Variants in GBF1 observed in about 807,000 individuals in gnomAD.
GBF1 encodes the protein Golgi-specific brefeldin A-resistance guanine nucleotide exchange factor 1.
Under a neutral mutation model 210.5 loss-of-function variants are expected in GBF1, and 114 were observed. That is an observed-to-expected ratio of 0.54 (90% confidence interval 0.47 to 0.63). The LOEUF is 0.63. GBF1 is among the 30% of genes least tolerant of loss of function. The pLI is 0.00. For missense variants in GBF1, 1,851 were observed against 2,357.7 expected, an observed-to-expected ratio of 0.79 and a Z score of 4.45; for synonymous variants, 850 against 889.2, an observed-to-expected ratio of 0.96 and a Z score of 0.78.
intron 3 of GBF1, among the ~76,000 whole-genome samples, chr10:102,336,452 T>G (rs1223510056): frequency 6.6e-6 from 1 of 152,216 alleles, no homozygotes; most frequent in African/African-American, 2.4e-5. Flanking sequence ...ACCAAGTGTT[T>G]TACATGCATC....
At chr10:102,262,637 A>G (rs1346382914) in intron 3 of GBF1, among the ~76,000 whole-genome samples, 1 of 152,144 alleles carries the variant, frequency 6.6e-6, no homozygotes, top group Non-Finnish European at 1.5e-5. Flanking sequence ...TGGTGCTGCT[A>G]TCCTGACAGA....
At chr10:102,355,735 G>T (rs2059255093) in intron 8 of GBF1, among the ~76,000 whole-genome samples, 1 of 152,230 alleles carries the variant, frequency 6.6e-6, no homozygotes, top group Non-Finnish European at 1.5e-5. Flanking sequence ...TGAAATGGGG[G>T]AGCCTCCTGG....
intron 1 of GBF1, among the ~76,000 whole-genome samples, chr10:102,255,694 T>G (rs2072248350): frequency 6.6e-6 from 1 of 152,206 alleles, no homozygotes; most frequent in Non-Finnish European, 1.5e-5. Context: ...AGATTTAATC[T>G]TTTCTCTTCT....
At chr10:102,320,183 T>C (rs926843821) in intron 3 of GBF1, among the ~76,000 whole-genome samples, 1 of 152,170 alleles carries the variant, frequency 6.6e-6, no homozygotes, top group Non-Finnish European at 1.5e-5. Context: ...TAATTGAAGG[T>C]TTTACCGGAT....
At chr10:102,302,986 C>CTTTTTT in intron 3 of GBF1, among the ~76,000 whole-genome samples, 1 of 125,056 alleles carries the variant, frequency 8.0e-6, no homozygotes, top group Non-Finnish European at 1.7e-5. Context: ...CCATTTTAAG[C>CTTTTTT]TTTTTTTTTT....
intron 24 of GBF1, 93 bp from the exon 25 acceptor site, chr10:102,369,618 C>T: frequency 4.2e-6 from 5 of 1,184,954 alleles, no homozygotes; most frequent in South Asian, 1.3e-5. Context: ...GGGCAGAAGA[C>T]TAGAGGAGGA....
intron 3 of GBF1, among the ~76,000 whole-genome samples, chr10:102,274,575 T>C (rs1280158214): frequency 1.3e-5 from 2 of 152,002 alleles, no homozygotes; most frequent in East Asian, 1.9e-4. Context: ...AGTTGAACCA[T>C]AGGATAAGTT....
In GBF1 at chr10:102,382,128, G is replaced by A; in HGVS notation, c.5375G>A (p.Ser1792Asn). 1 of 1,608,502 alleles carries A rather than the reference G, an allele frequency of 6.2e-7. No homozygotes were observed. Among genetic ancestry groups the A allele is most frequent in the Non-Finnish European group, 8.5e-7 (1 of 1,176,646 alleles). ...SPGSPVASSP[S>N]RLSPTPDGPP... Reference sequence around the variant, plus strand: ...GGATCACCAGTGGCCTCAAGCCCCAGCAGGCTGAGCCCCACCCCCGACGGG... The same window carrying A: ...GGATCACCAGTGGCCTCAAGCCCCAACAGGCTGAGCCCCACCCCCGACGGG... Residue 1792 changes from serine to asparagine, a missense_variant, in exon 40 of 40, where the codon AGC becomes AAC. By Grantham distance (46) the Ser-to-Asn change is conservative. Coordinates refer to ENST00000369983, the MANE Select transcript of GBF1 (RefSeq NM_001377137.1).
In GBF1 at chr10:102,368,313, G is replaced by T; in HGVS notation, c.2738G>T (p.Gly913Val). The change falls in exon 22 of 40, where the codon GGC becomes GTC. Residue 913 changes from glycine to valine, a missense_variant. Gly to Val is a moderately radical substitution (Grantham distance 109). This residue lies in a region of GBF1 where 967 missense variants were observed against 1,247.7 expected (regional missense o/e 0.78). Coordinates refer to ENST00000369983, the MANE Select transcript of GBF1 (RefSeq NM_001377137.1). ...CTTCATCGAGGTGCCACCCCTGAGG[G>T]CATATTCCTGCGTGTGCCTACTGCC... is the stretch of plus-strand genomic sequence containing the variant. Reference protein sequence around the residue: ...VLLHRGATPEGIFLRVPTASY... With the variant: ...VLLHRGATPEVIFLRVPTASY... 7.4e-6 allele frequency: 12 copies of T among 1,613,828 alleles called. No individual in the cohort carries two copies. Among genetic ancestry groups the T allele is most frequent in the Non-Finnish European group, 1.0e-5 (12 of 1,179,724 alleles).
In GBF1 at chr10:102,379,431, C is replaced by A; in HGVS notation, c.4642C>A (p.Gln1548Lys). 1 of 1,614,070 alleles carries A rather than the reference C, an allele frequency of 6.2e-7. No individual in the cohort carries two copies. Among genetic ancestry groups the A allele is most frequent in the South Asian group, 1.1e-5 (1 of 91,072 alleles). Residue 1548 changes from glutamine to lysine, a missense_variant, in exon 34 of 40, where the codon CAG becomes AAG. This residue lies in a region of GBF1 where 967 missense variants were observed against 1,247.7 expected (regional missense o/e 0.78). Transcript: ENST00000369983. ...GGCCCACTGCTGGTGCCCTTTACTG[C>A]AGGGTAAACCAGGAGGGGCAGAGGT... ...LWAHCWCPLL[Q>K]GIACLCCDAR...
chr10:102,273,868 T>C (rs2074666109), intron 3 of GBF1, among the ~76,000 whole-genome samples: 1 of 152,258 alleles, frequency 6.6e-6, no homozygotes, highest in African/African-American at 2.4e-5. Flanking sequence ...GAAGTAATTA[T>C]GACTGATTAG....
intron 3 of GBF1, among the ~76,000 whole-genome samples, chr10:102,318,436 C>T (rs1454155323): frequency 6.6e-6 from 1 of 151,772 alleles, no homozygotes; most frequent in Non-Finnish European, 1.5e-5. Context: ...AGCGATCCAC[C>T]TACCTTGGCC....
intron 3 of GBF1, among the ~76,000 whole-genome samples, chr10:102,293,771 G>GTTTTTTTTTTTTTTT (rs56722082): frequency 8.7e-5 from 2 of 22,896 alleles, no homozygotes; most frequent in African/African-American, 4.3e-4. Flanking sequence ...TATGTTTTGT[G>GTTTTTTTTTTTTTTT]TTTTTTTTTT....
chr10:102,292,426 A>G (rs749477631), intron 3 of GBF1, among the ~76,000 whole-genome samples: 106 of 152,298 alleles, frequency 7.0e-4, no homozygotes, highest in Admixed American at 1.5e-3. Context: ...GAGTTGCACA[A>G]TCGTGCAATA....
intron 33 of GBF1, among the ~76,000 whole-genome samples, chr10:102,378,802 C>T (rs753265030): frequency 2.3e-4 from 35 of 151,998 alleles, no homozygotes; most frequent in Non-Finnish European, 4.3e-4. Flanking sequence ...GCTGTGGCAG[C>T]GCACAGCTGT....
intron 12 of GBF1, 33 bp from the exon 13 acceptor site, chr10:102,360,989 A>T: frequency 8.6e-7 from 1 of 1,167,702 alleles, no homozygotes; most frequent in Non-Finnish European, 1.3e-6. Flanking sequence ...AAAAAAAAAA[A>T]AAACTCATGG....
intron 3 of GBF1, among the ~76,000 whole-genome samples, chr10:102,323,396 T>C (rs2056610203): frequency 6.6e-6 from 1 of 152,018 alleles, no homozygotes; most frequent in South Asian, 2.1e-4. Flanking sequence ...TACCTCTTGA[T>C]TGGAGGAGGA....
At chr10:102,261,672 G>T (rs2073249081) in intron 3 of GBF1, among the ~76,000 whole-genome samples, 1 of 145,768 alleles carries the variant, frequency 6.9e-6, no homozygotes, top group South Asian at 2.1e-4. Flanking sequence ...CTGGAGTGCA[G>T]TGGTGTGATC....
Position 102,379,951 on chromosome 10 carries a change from T to C in GBF1, c.4875T>C (p.Ser1625=), listed in dbSNP as rs1431672709. The C allele has an allele frequency of 2.5e-6, 4 of 1,595,236 alleles. No homozygotes were observed. Among genetic ancestry groups the C allele is most frequent in the South Asian group, 2.2e-5 (2 of 90,194 alleles). The stretch of plus-strand genomic sequence containing the variant: ...GGATGAGGGCTTCCACATTGCTCTC[T>C]AAGGTACTGCTCACCACCCTATACC... The part of the protein sequence containing the change: ...ETRMRASTLL[S]KVFLQHLSPL... Residue 1625 remains serine, a synonymous_variant, in exon 36 of 40, where the codon TCT becomes TCC. Transcript: ENST00000369983.
Sources: gnomAD v4.1 joint callset for allele counts (sites outside exome capture counted in the v4.1 genomes callset) on GRCh38, gnomAD v4.1.1 for gene constraint, gnomAD v4.1.1 regional missense constraint, MANE v1.5 for transcripts, NCBI Gene and HGNC (gene_info 2026-07-23, HGNC 2026-07-21) for gene names.